Variants in ZNF727 observed in about 807,000 individuals in gnomAD.
ZNF727 encodes zinc finger protein 727.
Under a neutral mutation model 11.5 loss-of-function variants are expected in ZNF727, and 11 were observed. The ratio of observed to expected loss-of-function variants is 0.95; its 90% CI spans 0.60 to 1.58. The LOEUF (loss-of-function observed/expected upper bound fraction) is 1.58, where lower values mean the gene tolerates loss of function less well. ZNF727 is among the 40% of genes most tolerant of loss of function. The probability of loss-of-function intolerance (pLI) is 0.00; values close to 1 mark genes in which losing one functional copy is unlikely to be tolerated. For missense variants in ZNF727, 533 were observed against 581.7 expected, an observed-to-expected ratio of 0.92 and a Z score of 0.86; for synonymous variants, 171 against 196.1, an observed-to-expected ratio of 0.87 and a Z score of 1.07.
At chr7:64,059,886 T>C (rs1163471387) in intron 1 of ZNF727, among the ~76,000 whole-genome samples, 1 of 152,218 alleles carries the variant, frequency 6.6e-6, no homozygotes, top group Non-Finnish European at 1.5e-5. Flanking sequence ...ATCATTTAAA[T>C]AGGTAAATAG....
chr7:64,080,975 T>TA lies in ZNF727; in HGVS notation c.*2427dup, dbSNP rs1785777496. The stretch of plus-strand genomic sequence containing the variant: ...TACTCTAAATGCTCAGCTCACAACT[T>TA]AGAGTCTGCATACTCTAACTCTGGG... On this transcript the variant is annotated 3_prime_UTR_variant, in exon 4 of 4. Transcript: ENST00000456806. 6.6e-6 allele frequency among the ~76,000 whole-genome samples: 1 copy of TA among 151,950 alleles called. No homozygotes were observed. The highest frequency in any genetic ancestry group is 1.5e-5 in the Non-Finnish European group (1 of 67,984).
rs770240532 is a variant in ZNF727 at position 64,069,636 on chromosome 7, A to T, written c.226+27A>T. ...TAGGTGGGAGTGAGTGAAGCAAATG[A>T]CATAAATGACGGTTCCCAATGTCAA... On this transcript the variant is annotated intron_variant, in intron 3 of 3. Transcript: ENST00000456806. 5.2e-5 allele frequency: 79 copies of T among 1,511,090 alleles called. 1 individual carries two copies. The South Asian group carries it at 8.6e-4, about 17-fold the overall frequency. 93.6% of individuals were successfully genotyped at this position (1,511,090 alleles called of 1,614,324 possible).
intron 3 of ZNF727, among the ~76,000 whole-genome samples, chr7:64,076,419 T>C (rs1208165092): frequency 6.6e-6 from 1 of 152,112 alleles, no homozygotes; most frequent in Non-Finnish European, 1.5e-5. Context: ...AAGATTAGCC[T>C]GGCCAACACG....
At chr7:64,065,866 C>T (rs1400025161) in intron 1 of ZNF727, among the ~76,000 whole-genome samples, 4 of 151,652 alleles carry the variant, frequency 2.6e-5, no homozygotes, top group Admixed American at 6.6e-5. Context: ...AAATTGTCAC[C>T]ATGAATTTAT....
At chr7:64,047,696 G>A (rs111867871) in intron 1 of ZNF727, among the ~76,000 whole-genome samples, 8 of 152,162 alleles carry the variant, frequency 5.3e-5, no homozygotes, top group East Asian at 1.9e-4. Context: ...CGTGCTGAGA[G>A]CAGTTTCCTG....
At chr7:64,069,754 A>C (rs1019044986) in intron 3 of ZNF727, 145 bp downstream of exon 3, 5 of 689,374 alleles carry the variant, frequency 7.3e-6, no homozygotes, top group East Asian at 5.6e-5. Context: ...TTGCTTTAAC[A>C]TAGGGGAATT....
rs898780568 is a variant in ZNF727, at chr7:64,081,284, A to T, written c.*2735A>T. Among the ~76,000 whole-genome samples the T allele has an allele frequency of 6.6e-6, 1 of 152,094 alleles. No individual in the cohort carries two copies. The highest frequency in any genetic ancestry group is 2.1e-4 in the South Asian group (1 of 4,808). On this transcript the variant is annotated 3_prime_UTR_variant, in exon 4 of 4. Transcript: ENST00000456806. ...TCTCTGTGCCCCCCAAGAAGGAATGATTGTTCAGAGTGTGGGAGGATACCC... is the reference window on the plus strand; with the variant it reads ...TCTCTGTGCCCCCCAAGAAGGAATGTTTGTTCAGAGTGTGGGAGGATACCC...
intron 1 of ZNF727, among the ~76,000 whole-genome samples, chr7:64,049,786 T>G (rs1789562764): frequency 6.6e-6 from 1 of 151,444 alleles, no homozygotes; most frequent in East Asian, 1.9e-4. Context: ...AGATGTTTAA[T>G]GAATAGCCAT....
chr7:64,069,096 T>C, intron 2 of ZNF727, 79 bp downstream of exon 2: 1 of 1,415,876 alleles, frequency 7.1e-7, no homozygotes, highest in East Asian at 2.6e-5. Flanking sequence ...AGTTCTGCTT[T>C]GCATAAATGA....
chr7:64,077,676 TA>T lies in ZNF727; in HGVS notation c.632del (p.Lys211SerfsTer155). 6.4e-7 allele frequency: 1 copy of T among 1,561,204 alleles called. No homozygotes were observed. Among genetic ancestry groups the T allele is most frequent in the South Asian group, 1.2e-5 (1 of 84,954 alleles). On this transcript the variant is annotated frameshift_variant, in exon 4 of 4. Coordinates refer to ENST00000456806, the MANE Select transcript of ZNF727 (RefSeq NM_001159522.3). LOFTEE classifies it low-confidence loss of function (END_TRUNC). ...YKCEECGKAC[K>X]KFSNLTEHNR... ...AATGTGAAGAATGTGGCAAAGCCTG[TA>T]AAAAGTTCTCAAACCTTACTGAACA...
Position 64,077,325 on chromosome 7 carries a change from C to T in ZNF727, c.276C>T (p.Asn92=), listed in dbSNP as rs558951518. ...AGATATTGCTGGAGCACGACATAAA[C>T]GATTCATTTCAAAAAGTGATCCTGA... The part of the protein sequence containing the change: ...TAEILLEHDI[N]DSFQKVILRK... The change falls in exon 4 of 4, where the codon AAC becomes AAT. Residue 92 remains asparagine, a synonymous_variant. Coordinates refer to ENST00000456806, the MANE Select transcript of ZNF727 (RefSeq NM_001159522.3). 2.4e-5 allele frequency: 37 copies of T among 1,549,394 alleles called. No individual in the cohort carries two copies. The East Asian group carries it at 4.4e-4, about 18-fold the overall frequency.
At position 64,076,813 on chromosome 7, in the gene ZNF727, G is replaced by A. The variant is rs966481246; in HGVS notation, c.227-463G>A. 2.8e-4 allele frequency among the ~76,000 whole-genome samples: 42 copies of A among 152,144 alleles called. 1 individual carries two copies. Among genetic ancestry groups the A allele is most frequent in the African/African-American group, 9.9e-4 (41 of 41,442 alleles). Reference sequence around the variant, plus strand: ...TCTATGACACTGAAGTGTCTCTGCTGTCTGAAACTGTCAAAGTATACCACC... The same window carrying A: ...TCTATGACACTGAAGTGTCTCTGCTATCTGAAACTGTCAAAGTATACCACC... On this transcript the variant is annotated intron_variant, in intron 3 of 3. Transcript: ENST00000456806.
At chr7:64,071,263 T>G (rs1172245557) in intron 3 of ZNF727, among the ~76,000 whole-genome samples, 3 of 152,054 alleles carry the variant, frequency 2.0e-5, no homozygotes, top group Non-Finnish European at 2.9e-5. Context: ...TAATATATTC[T>G]TGTCAACACT....
intron 1 of ZNF727, among the ~76,000 whole-genome samples, chr7:64,055,342 C>G (rs1789666360): frequency 6.6e-6 from 1 of 151,626 alleles, no homozygotes; most frequent in African/African-American, 2.4e-5. Context: ...CACTTGAACC[C>G]AGGAGCCAGA....
chr7:64,066,859 A>G (rs985977119), intron 1 of ZNF727, among the ~76,000 whole-genome samples: 6 of 152,222 alleles, frequency 3.9e-5, no homozygotes, highest in Admixed American at 6.5e-5. Context: ...CTCAGAGTGA[A>G]CAGGCAGCCT....
intron 1 of ZNF727, among the ~76,000 whole-genome samples, chr7:64,061,892 T>G (rs139875621): frequency 1.3e-5 from 2 of 151,970 alleles, no homozygotes; most frequent in Admixed American, 6.6e-5. Context: ...GAGGTTACCA[T>G]GAGGCTTGCA....
chr7:64,051,280 A>C (rs1291238613), intron 1 of ZNF727, among the ~76,000 whole-genome samples: 2 of 152,186 alleles, frequency 1.3e-5, no homozygotes, highest in Non-Finnish European at 2.9e-5. Context: ...TTAAAACTTC[A>C]GAGAAAGAAC....
chr7:64,070,493 T>G (rs1020819978), intron 3 of ZNF727, among the ~76,000 whole-genome samples: 54 of 151,956 alleles, frequency 3.6e-4, no homozygotes, highest in African/African-American at 1.3e-3. Flanking sequence ...ATAATACCAG[T>G]AACGTCAATT....
chr7:64,071,674 A>G (rs1789964105), intron 3 of ZNF727, among the ~76,000 whole-genome samples: 1 of 152,106 alleles, frequency 6.6e-6, no homozygotes, highest in Admixed American at 6.6e-5. Context: ...TTCAAAACCA[A>G]TATTAAGGTT....
Sources: gnomAD v4.1 joint callset for allele counts (sites outside exome capture counted in the v4.1 genomes callset) on GRCh38, gnomAD v4.1.1 for gene constraint, MANE v1.5 for transcripts, NCBI Gene and HGNC (gene_info 2026-07-23, HGNC 2026-07-21) for gene names.